The following TNK2 variants were observed in gnomAD, a reference collection of about 807,000 sequenced individuals.
TNK2 encodes the protein activated CDC42 kinase 1.
A neutral mutation model predicts 101.8 loss-of-function variants in TNK2; 83 were observed. The ratio of observed to expected loss-of-function variants is 0.82; its 90% CI spans 0.68 to 0.98. The LOEUF is 0.98. TNK2 is among the 50% of genes least tolerant of loss of function. The pLI is 0.00. For synonymous variants in TNK2, 804 were observed against 633.0 expected, an observed-to-expected ratio of 1.27 and a Z score of -4.06; for missense variants, 1,665 against 1,483.2, an observed-to-expected ratio of 1.12 and a Z score of -2.01.
In TNK2 at chr3:195,888,565, G is replaced by A. The variant is rs200040970; in HGVS notation, c.24C>T (p.Gly8=). The A allele has an allele frequency of 6.2e-7, 1 of 1,612,232 alleles. No homozygotes were observed. Among genetic ancestry groups the A allele is most frequent in the Non-Finnish European group, 8.5e-7 (1 of 1,179,832 alleles). The change falls in exon 2 of 16, where the codon GGC becomes GGT. Residue 8 remains glycine, a synonymous_variant. Coordinates refer to ENST00000672887, the MANE Select transcript of TNK2 (RefSeq NM_001382273.1). This position sits in a 1 kb window ranked among gnomAD's most constrained non-coding sequence, Gnocchi z 5.3. ...CCTCGGACAGCAGCTCCAGCAGCCAGCCTGTGCCCTCCTCTGGCTGCATTC... is the reference window on the plus strand; with the variant it reads ...CCTCGGACAGCAGCTCCAGCAGCCAACCTGTGCCCTCCTCTGGCTGCATTC... MQPEEGT[G]WLLELLSEVQ... is the part of the protein sequence containing the mutation.
chr3:195,879,776 G>C (rs981793664), intron 6 of TNK2, among the ~76,000 whole-genome samples: 8 of 151,970 alleles, frequency 5.3e-5, no homozygotes, highest in Non-Finnish European at 1.5e-5. Flanking sequence ...GAAGCAGAGC[G>C]AGCCCTGCCC....
At chr3:195,864,387 G>C (rs561088375) in intron 15 of TNK2, among the ~76,000 whole-genome samples, 200 bp from the exon 16 acceptor site, 7 of 152,178 alleles carry the variant, frequency 4.6e-5, no homozygotes, top group African/African-American at 1.7e-4. Flanking sequence ...GCACTCCTGC[G>C]TATTAGAGAA....
At chr3:195,874,057 C>T (rs1415498261) in intron 9 of TNK2, among the ~76,000 whole-genome samples, 1 of 152,200 alleles carries the variant, frequency 6.6e-6, no homozygotes, top group Non-Finnish European at 1.5e-5. Context: ...CACACAGCCT[C>T]CCACGGCGGC....
At chr3:195,908,413 C>G (rs950196655) in intron 1 of TNK2, 72 bp downstream of exon 1, 2 of 152,552 alleles carry the variant, frequency 1.3e-5, no homozygotes, top group Non-Finnish European at 2.9e-5. Context: ...GGAGTCTACG[C>G]TCTCGCCAGG....
chr3:195,896,318 G>A (rs543181792), intron 1 of TNK2: 1 of 318,422 alleles, frequency 3.1e-6, no homozygotes, highest in African/African-American at 2.3e-5. Flanking sequence ...GCAGAGGAGA[G>A]ACAGATGCTG....
chr3:195,895,692 G>A, intron 1 of TNK2: 2 of 909,448 alleles, frequency 2.2e-6, no homozygotes, highest in Non-Finnish European at 2.9e-6. Context: ...CGCCTCCAGG[G>A]CCCCAGAGCC....
Position 195,885,114 on chromosome 3 carries a change from G to T in TNK2, c.235-81C>A. 7.2e-7 allele frequency: 1 copy of T among 1,382,740 alleles called. No homozygotes were observed. The highest frequency in any genetic ancestry group is 9.8e-7 in the Non-Finnish European group (1 of 1,024,270). 85.7% of individuals were successfully genotyped at this position (1,382,740 alleles called of 1,614,324 possible). A position where few individuals can be genotyped will look rare whatever the true frequency, so the allele number is the denominator to read the frequency against. Reference sequence around the variant, plus strand: ...CAGTCCCACCCCGCTGGGTCCACCTGGTGATCCCCGGCTTCGGCTTCCAGA... The same window carrying T: ...CAGTCCCACCCCGCTGGGTCCACCTTGTGATCCCCGGCTTCGGCTTCCAGA... On this transcript the variant is annotated intron_variant, in intron 3 of 15. Coordinates refer to ENST00000672887, the MANE Select transcript of TNK2 (RefSeq NM_001382273.1). This position sits in a 1 kb window ranked among gnomAD's most constrained non-coding sequence, Gnocchi z 4.7.
At chr3:195,866,585 A>T (rs1427550919) in intron 15 of TNK2, among the ~76,000 whole-genome samples, 1 of 152,234 alleles carries the variant, frequency 6.6e-6, no homozygotes, top group African/African-American at 2.4e-5. Flanking sequence ...TGGGGTCCTA[A>T]AAAGTGCCAT....
chr3:195,898,430 C>T lies in TNK2; in HGVS notation c.-18-9824G>A, dbSNP rs559039591. ...TAAAACTGTCATGAAGAGTCCACCA[C>T]GGCACCTGGCTGCCTGCTGTTACTA... On this transcript the variant is annotated intron_variant, in intron 1 of 15. Coordinates refer to ENST00000672887, the MANE Select transcript of TNK2 (RefSeq NM_001382273.1). 9.8e-5 allele frequency among the ~76,000 whole-genome samples: 15 copies of T among 152,300 alleles called. No homozygotes were observed. In the South Asian group the frequency reaches 1.7e-3, roughly 17 times the overall value.
intron 6 of TNK2, among the ~76,000 whole-genome samples, chr3:195,881,472 G>A (rs1237577923): frequency 4.6e-4 from 24 of 52,010 alleles, no homozygotes; most frequent in East Asian, 1.8e-3. Flanking sequence ...CACAGGATCT[G>A]TCCCTCTAAC....
chr3:195,874,407 C>T (rs1001983953), intron 9 of TNK2, among the ~76,000 whole-genome samples: 11 of 152,236 alleles, frequency 7.2e-5, no homozygotes, highest in Non-Finnish European at 1.3e-4. Flanking sequence ...CCCATGGCTG[C>T]TGGGAGTCCT....
intron 2 of TNK2, among the ~76,000 whole-genome samples, chr3:195,887,562 G>A (rs890194761): frequency 6.6e-6 from 1 of 151,628 alleles, no homozygotes; most frequent in African/African-American, 2.4e-5. Context: ...TTTTAACTAA[G>A]TCAGTGTCTA....
At chr3:195,902,348 G>T (rs971948222) in intron 1 of TNK2, among the ~76,000 whole-genome samples, 2 of 152,040 alleles carry the variant, frequency 1.3e-5, no homozygotes, top group East Asian at 3.9e-4. Flanking sequence ...CCGGGCGCGG[G>T]GGCTCACGCC....
chr3:195,888,643 G>C lies in TNK2; in HGVS notation c.-18-37C>G, dbSNP rs368789003. 1,740 of 1,573,636 alleles carry C rather than the reference G, an allele frequency of 1.1e-3. 2 individuals are homozygous for C. Among genetic ancestry groups the C allele is most frequent in the Non-Finnish European group, 1.2e-3 (1,408 of 1,159,734 alleles). On this transcript the variant is annotated intron_variant, in intron 1 of 15. Transcript: ENST00000672887. This position sits in a 1 kb window ranked among gnomAD's most constrained non-coding sequence, Gnocchi z 5.3. ...GGAGTGGCTCAGGGACAAGGGTTGT[G>C]GGGGGACAACAGGGGCCTGCCCGAG...
At chr3:195,894,951 TAAAAGACTGAACCCC>T (rs1305550719) in intron 1 of TNK2, among the ~76,000 whole-genome samples, 1 of 152,220 alleles carries the variant, frequency 6.6e-6, no homozygotes, top group Non-Finnish European at 1.5e-5. Flanking sequence ...TCAGTTCTCC[TAAAAGACTGAACCCC>T]AATCCTAGCA....
Position 195,902,415 on chromosome 3 carries a change from C to T in TNK2, c.-19+6070G>A, listed in dbSNP as rs577990928. ...GGCGAATCACTTGAGGTCAGGAGTT[C>T]ATGACCAGCCTGGCCAACATGGTGA... On this transcript the variant is annotated intron_variant, in intron 1 of 15. Transcript: ENST00000672887. Among the ~76,000 whole-genome samples, 5 of 152,198 alleles carry T rather than the reference C, an allele frequency of 3.3e-5. No individual in the cohort carries two copies. The East Asian group carries it at 9.7e-4, about 30-fold the overall frequency.
At chr3:195,894,232 T>C (rs1759711417) in intron 1 of TNK2, 1 of 152,184 alleles carries the variant, frequency 6.6e-6, no homozygotes, top group South Asian at 2.1e-4. Context: ...TCAAAATGGG[T>C]CTGCTGGATC....
chr3:195,892,725 T>C (rs757859418), intron 1 of TNK2: 71 of 1,378,374 alleles, frequency 5.2e-5, no homozygotes, highest in Non-Finnish European at 6.6e-5. Flanking sequence ...GTCCTGTTTC[T>C]GTCTTCTCTC....
chr3:195,887,533 A>T (rs766556260), intron 2 of TNK2, among the ~76,000 whole-genome samples: 1 of 151,456 alleles, frequency 6.6e-6, no homozygotes, highest in Non-Finnish European at 1.5e-5. Flanking sequence ...AACTTGACAC[A>T]TTATTACCTA....
Sources: allele counts gnomAD v4.1 joint callset (sites outside exome capture counted in the v4.1 genomes callset), GRCh38; gene constraint gnomAD v4.1.1; non-coding constraint Gnocchi (gnomAD v3.1); transcripts MANE v1.5; gene names NCBI Gene and HGNC (gene_info 2026-07-23, HGNC 2026-07-21).